Variants in NSUN2 observed in about 807,000 individuals in gnomAD.
NSUN2 encodes RNA cytosine C(5)-methyltransferase NSUN2.
A neutral mutation model predicts 92.7 loss-of-function variants in NSUN2; 63 were observed. That is an observed-to-expected ratio of 0.68 (90% CI 0.56 to 0.84). The LOEUF (loss-of-function observed/expected upper bound fraction) is 0.84. Ranked by LOEUF, NSUN2 falls within the 40% of genes least tolerant of loss-of-function variation. The probability of loss-of-function intolerance (pLI) is 0.00; values close to 1 mark genes in which losing one functional copy is unlikely to be tolerated. For missense variants in NSUN2, 989 were observed against 964.9 expected (o/e 1.02, Z -0.33); for synonymous variants, 356 against 348.3 (o/e 1.02, Z -0.25).
chr5:6,620,531 A>AT (rs1737394271), intron 6 of NSUN2: 3 of 386,118 alleles, frequency 7.8e-6, no homozygotes. Flanking sequence ...TCTATTCAAC[A>AT]ATTATTCACT....
Position 6,615,654 on chromosome 5 carries a change from A to T in NSUN2, c.1021+1073T>A, listed in dbSNP as rs1440247067. ...CAGGGCTGAGGGCACAACCCAGACC[A>T]GCCAGCCGCCAAGGGGAGCCTCACT... is the stretch of plus-strand genomic sequence containing the variant. On this transcript the variant is annotated intron_variant, in intron 9 of 18. Coordinates refer to ENST00000264670, the MANE Select transcript of NSUN2 (RefSeq NM_017755.6). Among the ~76,000 whole-genome samples, 8 of 152,352 alleles carry T rather than the reference A, an allele frequency of 5.3e-5. No homozygotes were observed. The South Asian group carries it at 1.4e-3, about 28-fold the overall frequency.
At chr5:6,605,689 T>C (rs1001753252) in intron 14 of NSUN2, among the ~76,000 whole-genome samples, 3 of 151,610 alleles carry the variant, frequency 2.0e-5, no homozygotes, top group African/African-American at 4.8e-5. Context: ...CTGATAACAC[T>C]ACTTTTGAGA....
intron 9 of NSUN2, 71 bp from the exon 10 acceptor site, chr5:6,611,869 ACC>A: frequency 7.5e-7 from 1 of 1,334,626 alleles, no homozygotes; most frequent in South Asian, 1.2e-5. Flanking sequence ...AGTGAAAAAA[ACC>A]AGACACAGAT....
intron 7 of NSUN2, among the ~76,000 whole-genome samples, chr5:6,619,027 C>T (rs895051857): frequency 1.3e-5 from 2 of 152,164 alleles, no homozygotes; most frequent in Non-Finnish European, 2.9e-5. Context: ...GAAATTTCCC[C>T]AGCTTGCAAC....
At position 6,631,861 on chromosome 5, in the gene NSUN2, T is replaced by C. The variant is rs781468525; in HGVS notation, c.359+12A>G. Reference sequence around the variant, plus strand: ...CAAATAAATATTCGGCATGAAGCACTGTGGTACCTACCAACTCAGTGGCTG... The same window carrying C: ...CAAATAAATATTCGGCATGAAGCACCGTGGTACCTACCAACTCAGTGGCTG... On this transcript the variant is annotated intron_variant, in intron 3 of 18. Transcript: ENST00000264670. The C allele has an allele frequency of 1.9e-6, 3 of 1,565,144 alleles. No individual in the cohort carries two copies. The highest frequency in any genetic ancestry group is 2.6e-6 in the Non-Finnish European group (3 of 1,136,338).
At chr5:6,607,423 G>A (rs746737067) in intron 12 of NSUN2, 39 bp from the exon 13 acceptor site, 14 of 1,537,912 alleles carry the variant, frequency 9.1e-6, no homozygotes, top group African/African-American at 1.4e-5. Context: ...ACAAAGAGGA[G>A]CATTCTTTGT....
In NSUN2 at chr5:6,620,142, A is replaced by G. The variant is rs745956596; in HGVS notation, c.779T>C (p.Leu260Pro). Reference protein sequence around the residue: ...QIDVDGRKEILFYDRILCDVP... With the variant: ...QIDVDGRKEIPFYDRILCDVP... ...ATCACATAAAATTCGATCATAGAAG[A>G]GGATCTCTTTCCTGCCGTCCACATC... The change falls in exon 7 of 19, where the codon CTC becomes CCC. Residue 260 changes from leucine (L) to proline (P), a missense_variant. Physicochemically the swap from Leu to Pro is moderately conservative, Grantham distance 98. Coordinates refer to ENST00000264670, the MANE Select transcript of NSUN2 (RefSeq NM_017755.6). The G allele has an allele frequency of 6.2e-7, 1 of 1,607,260 alleles. No homozygotes were observed. Among genetic ancestry groups the G allele is most frequent in the East Asian group, 2.2e-5 (1 of 44,572 alleles).
Position 6,632,621 on chromosome 5 carries a change from A to C in NSUN2, c.232T>G (p.Leu78Val). 1 of 1,614,044 alleles carries C rather than the reference A, an allele frequency of 6.2e-7. No homozygotes were observed. The highest frequency in any genetic ancestry group is 1.1e-5 in the South Asian group (1 of 91,080). Reference sequence around the variant, plus strand: ...TACCTTTTGTAACCAGTAATTCTTAAAGTGGCCGGGAGCGGCTCCCTGAGA... The same window carrying C: ...TACCTTTTGTAACCAGTAATTCTTACAGTGGCCGGGAGCGGCTCCCTGAGA... ...DALREPLPAT[L>V]RITGYKSHAK... Residue 78 changes from leucine (L) to valine (V), a missense_variant, in exon 2 of 19, where the codon TTA (leucine) becomes GTA (valine). By Grantham distance (32) the Leu-to-Val change is conservative (BLOSUM62 1). Transcript: ENST00000264670.
At chr5:6,622,847 C>CAAAA (rs36124758) in intron 5 of NSUN2, among the ~76,000 whole-genome samples, 3 of 126,900 alleles carry the variant, frequency 2.4e-5, no homozygotes, top group South Asian at 2.6e-4. Context: ...AACTCCATCT[C>CAAAA]AAAAAAAAAA....
chr5:6,606,384 C>T (rs976981020), intron 14 of NSUN2, among the ~76,000 whole-genome samples: 2 of 152,078 alleles, frequency 1.3e-5, no homozygotes, highest in African/African-American at 2.4e-5. Context: ...CCCAGGTTCA[C>T]GCCATTCTCC....
intron 9 of NSUN2, among the ~76,000 whole-genome samples, chr5:6,614,891 G>A (rs984022987): frequency 6.6e-6 from 1 of 152,120 alleles, no homozygotes; most frequent in African/African-American, 2.4e-5. Flanking sequence ...AGGCTTGTGT[G>A]GACAAGAGCC....
Position 6,600,286 on chromosome 5 carries a change from G to T in NSUN2, c.1998-54C>A. The T allele has an allele frequency of 2.0e-6, 3 of 1,508,164 alleles. No individual in the cohort carries two copies. The South Asian group carries it at 3.7e-5, about 19-fold the overall frequency. The allele number at this position is 1,508,164 out of a possible 1,614,324, so 93.4% of individuals were successfully genotyped here. Reference sequence around the variant, plus strand: ...CATTAAACATTCCCATAACTAAATCGAATGAGATGTAATATGCAACTGCTT... The same window carrying T: ...CATTAAACATTCCCATAACTAAATCTAATGAGATGTAATATGCAACTGCTT... On this transcript the variant is annotated intron_variant, in intron 18 of 18. Coordinates refer to ENST00000264670, the MANE Select transcript of NSUN2 (RefSeq NM_017755.6).
intron 7 of NSUN2, 107 bp downstream of exon 7, chr5:6,619,999 C>A: frequency 1.0e-6 from 1 of 978,676 alleles, no homozygotes; most frequent in African/African-American, 1.7e-5. Context: ...CTCCGCACCC[C>A]AAGACTTATG....
chr5:6,614,985 A>G (rs774969268), intron 9 of NSUN2, among the ~76,000 whole-genome samples: 68 of 152,162 alleles, frequency 4.5e-4, no homozygotes, highest in Admixed American at 2.4e-3. Flanking sequence ...TTAAACACCT[A>G]GAGTACTTAA....
At chr5:6,625,833 G>A (rs907073502) in intron 3 of NSUN2, among the ~76,000 whole-genome samples, 164 bp from the exon 4 acceptor site, 1 of 152,140 alleles carries the variant, frequency 6.6e-6, no homozygotes, top group Non-Finnish European at 1.5e-5. Flanking sequence ...CAGAGATGTC[G>A]CTGTAGGCTT....
At position 6,600,152 on chromosome 5, in the gene NSUN2, T is replaced by A; in HGVS notation, c.2078A>T (p.Asn693Ile). Residue 693 changes from asparagine (N) to isoleucine (I), a missense_variant, in exon 19 of 19, where the codon AAT (asparagine) becomes ATT (isoleucine). Transcript: ENST00000264670. ...KASIRTFVPKNERLHYLRMMG... is the reference protein window; with the variant it reads ...KASIRTFVPKIERLHYLRMMG... ...CATCCTGAGATAATGAAGCCGTTCA[T>A]TCTTGGGCACAAAAGTTCGAATGGA... 1 of 1,614,226 alleles carries A rather than the reference T, an allele frequency of 6.2e-7. No homozygotes were observed. The highest frequency in any genetic ancestry group is 1.1e-5 in the South Asian group (1 of 91,088).
intron 8 of NSUN2, among the ~76,000 whole-genome samples, chr5:6,617,601 C>T (rs2126492397): frequency 6.6e-6 from 1 of 152,232 alleles, no homozygotes; most frequent in African/African-American, 2.4e-5. Context: ...ATCAAAATGT[C>T]TCTTAGCAAA....
In NSUN2 at chr5:6,599,986, C is replaced by T; in HGVS notation, c.2244G>A (p.Glu748=). 6.2e-7 allele frequency: 1 copy of T among 1,614,222 alleles called. No homozygotes were observed. Among genetic ancestry groups the T allele is most frequent in the Non-Finnish European group, 8.5e-7 (1 of 1,180,036 alleles). ...AGEPNSPDAE[E]ANSPDVTAGC... ...CTGCTGTCACGTCTGGACTGTTGGC[C>T]TCTTCTGCATCTGGGCTGTTGGGCT... Residue 748 remains glutamate, a synonymous_variant, in exon 19 of 19, where the codon GAG becomes GAA. Coordinates refer to ENST00000264670, the MANE Select transcript of NSUN2 (RefSeq NM_017755.6).
chr5:6,627,848 T>A (rs1737717215), intron 3 of NSUN2, among the ~76,000 whole-genome samples: 1 of 152,242 alleles, frequency 6.6e-6, no homozygotes, highest in South Asian at 2.1e-4. Context: ...GATTTTAACA[T>A]CAAACAAAAT....
Sources: gnomAD v4.1 joint callset for allele counts (sites outside exome capture counted in the v4.1 genomes callset) on GRCh38, gnomAD v4.1.1 for gene constraint, MANE v1.5 for transcripts, NCBI Gene and HGNC (gene_info 2026-07-23, HGNC 2026-07-21) for gene names.